TOP1MT: variants seen among roughly 807,000 people sequenced by gnomAD.
TOP1MT encodes the protein DNA topoisomerase I mitochondrial.
A neutral mutation model predicts 73.9 loss-of-function variants in TOP1MT; 80 were observed. The ratio of observed to expected loss-of-function variants is 1.08; its 90% CI spans 0.90 to 1.30. TOP1MT has a LOEUF of 1.30. Among genes scored for constraint, TOP1MT ranks in the 50% most tolerant of loss-of-function variants. TOP1MT has a pLI of 0.00. For missense variants in TOP1MT, 815 were observed against 808.0 expected (o/e 1.01, Z -0.10); for synonymous variants, 338 against 326.4 (o/e 1.04, Z -0.38).
At position 143,316,041 on chromosome 8, in the gene TOP1MT, G is replaced by C. The variant is rs781525933; in HGVS notation, c.1416C>G (p.Thr472=). Residue 472 remains threonine (T), a synonymous_variant, in exon 11 of 14, where the codon ACC becomes ACG. Coordinates refer to ENST00000329245, the MANE Select transcript of TOP1MT (RefSeq NM_052963.3). ...GCATCGACTTCTCGAACGTACTGGG[G>C]GTTGCTCGCTGATGGTTGCAGAGAA... The part of the protein sequence containing the change: ...VAILCNHQRA[T]PSTFEKSMQN... The C allele has an allele frequency of 1.4e-5, 22 of 1,614,044 alleles. No homozygotes were observed. In the African/African-American group the frequency reaches 2.4e-4, roughly 18 times the overall value.
rs1272765173 is a variant in TOP1MT at position 143,331,204 on chromosome 8, G to A, written c.238+20C>T. The A allele has an allele frequency of 6.4e-7, 1 of 1,574,688 alleles. No homozygotes were observed. The highest frequency in any genetic ancestry group is 1.7e-5 in the Admixed American group (1 of 58,358). On this transcript the variant is annotated intron_variant, in intron 2 of 13. Transcript: ENST00000329245. ...GGAACCAAGCGCAGGCTGGGGAGGA[G>A]CCGCTCCCTGCATCCTTACCTTCAT... is the stretch of plus-strand genomic sequence containing the variant.
chr8:143,328,083 T>C, intron 3 of TOP1MT: 1 of 368,390 alleles, frequency 2.7e-6, no homozygotes. Flanking sequence ...ACTCCTGACC[T>C]TCCAAAGACA....
chr8:143,309,705 G>T (rs1296155527), intron 13 of TOP1MT, 162 bp from the exon 14 acceptor site: 2 of 1,516,154 alleles, frequency 1.3e-6, no homozygotes, highest in Non-Finnish European at 8.8e-7. Flanking sequence ...CCCCACGCAT[G>T]CCGCCACCCT....
chr8:143,356,967 G>A (rs550139153), upstream of TOP1MT, among the ~76,000 whole-genome samples: 60 of 149,884 alleles, frequency 4.0e-4, no homozygotes, highest in South Asian at 0.011. Flanking sequence ...GGTGGCGGGC[G>A]CCTTTAGTCC....
At chr8:143,349,640 C>CTTTTTTTTTT (rs112290042), upstream of TOP1MT, among the ~76,000 whole-genome samples, 1 of 145,954 alleles carries the variant, frequency 6.9e-6, no homozygotes, top group Non-Finnish European at 1.5e-5. Flanking sequence ...CATCTGTACA[C>CTTTTTTTTTT]TTTTTTTTTT....
At chr8:143,317,899 G>A in intron 9 of TOP1MT, 62 bp from the exon 10 acceptor site, 3 of 1,596,572 alleles carry the variant, frequency 1.9e-6, no homozygotes, top group Non-Finnish European at 2.6e-6. Flanking sequence ...GCCTCCCGCG[G>A]GAAGGAAAGG....
chr8:143,330,941 G>A (rs567936927), intron 2 of TOP1MT, among the ~76,000 whole-genome samples: 1 of 140,016 alleles, frequency 7.1e-6, no homozygotes, highest in South Asian at 2.6e-4. Context: ...TGGTGCGGGG[G>A]GAGGGAGGGG....
At chr8:143,322,811 C>A (rs1307085033) in intron 7 of TOP1MT, among the ~76,000 whole-genome samples, 1 of 64,318 alleles carries the variant, frequency 1.6e-5, no homozygotes, top group African/African-American at 5.6e-5. Context: ...CACATGCATG[C>A]CACACACAGG....
At chr8:143,327,986 C>T (rs1481930025) in intron 3 of TOP1MT, among the ~76,000 whole-genome samples, 4 of 152,208 alleles carry the variant, frequency 2.6e-5, no homozygotes, top group East Asian at 1.9e-4. Context: ...AATCTCTGTG[C>T]TGCCGAATTC....
rs761407142 is a variant in TOP1MT at position 143,331,336 on chromosome 8, C to G, written c.126G>C (p.Trp42Cys). 6.2e-7 allele frequency: 1 copy of G among 1,611,036 alleles called. No individual in the cohort carries two copies. Among genetic ancestry groups the G allele is most frequent in the South Asian group, 1.1e-5 (1 of 90,842 alleles). ...CCCCGTCTTCGTGCTTCTCCTTCTC[C>G]CACCTAAAGACGGAGACAGGACGTG... is the stretch of plus-strand genomic sequence containing the variant. ...RRTQKGSGARWEKEKHEDGVK... is the reference protein window; with the variant it reads ...RRTQKGSGARCEKEKHEDGVK... Residue 42 changes from tryptophan (W) to cysteine (C), a missense_variant, in exon 2 of 14, where the codon TGG (tryptophan) becomes TGC (cysteine). Physicochemically the swap from Trp to Cys is radical, Grantham distance 215 (BLOSUM62 -2). Coordinates refer to ENST00000329245, the MANE Select transcript of TOP1MT (RefSeq NM_052963.3).
chr8:143,347,980 T>G (rs1586784516), upstream of TOP1MT, among the ~76,000 whole-genome samples: 1 of 152,034 alleles, frequency 6.6e-6, no homozygotes, highest in African/African-American at 2.4e-5. Flanking sequence ...CCATGGAGGG[T>G]GCCCAGGAGA....
intron 12 of TOP1MT, among the ~76,000 whole-genome samples, chr8:143,310,663 G>A (rs989941576): frequency 1.3e-5 from 2 of 152,200 alleles, no homozygotes; most frequent in Non-Finnish European, 2.9e-5. Context: ...TCCAATGCCA[G>A]AACATCACCC....
chr8:143,340,711 A>G (rs2130398604), intron 2 of TOP1MT, among the ~76,000 whole-genome samples: 1 of 152,078 alleles, frequency 6.6e-6, no homozygotes, highest in Non-Finnish European at 1.5e-5. Context: ...CCAGGTCCTG[A>G]GCTTTTCATT....
intron 5 of TOP1MT, among the ~76,000 whole-genome samples, chr8:143,324,880 G>A (rs76152489): frequency 1.2e-4 from 18 of 152,306 alleles, no homozygotes; most frequent in African/African-American, 4.3e-4. Flanking sequence ...GCACCGCTCT[G>A]CACAGACCTC....
At chr8:143,325,608 C>T (rs1816686513) in intron 4 of TOP1MT, 75 bp from the exon 5 acceptor site, 2 of 1,384,450 alleles carry the variant, frequency 1.4e-6, no homozygotes, top group Non-Finnish European at 2.0e-6. Context: ...GTTGCTAACC[C>T]GGGACCACCC....
intron 12 of TOP1MT, chr8:143,310,532 G>C: frequency 3.9e-6 from 1 of 253,678 alleles, no homozygotes; most frequent in Non-Finnish European, 7.5e-6. Flanking sequence ...AGCGAGACCA[G>C]GCCCGAGAAA....
intron 2 of TOP1MT, among the ~76,000 whole-genome samples, chr8:143,342,403 TTATTA>T (rs1442792954): frequency 7.1e-6 from 1 of 141,478 alleles, no homozygotes; most frequent in Non-Finnish European, 1.5e-5. Flanking sequence ...GTTATTATTA[TTATTA>T]TTAGAGACAG....
chr8:143,334,727 T>G lies in TOP1MT; in HGVS notation c.122+13A>C. On this transcript the variant is annotated intron_variant, in intron 1 of 13. Transcript: ENST00000329245. The stretch of plus-strand genomic sequence containing the variant: ...CTCAGGGCCCTCGCCGCCTGCTCAC[T>G]GGGACACCTTACCTGGCTCCACTGC... The G allele has an allele frequency of 6.2e-7, 1 of 1,600,128 alleles. No homozygotes were observed.
intron 2 of TOP1MT, chr8:143,343,056 T>C (rs952384861): frequency 4.9e-6 from 2 of 406,994 alleles, no homozygotes; most frequent in South Asian, 3.6e-5. Flanking sequence ...CCACCACGCC[T>C]GGCCTGCTAA....
Sources: allele counts gnomAD v4.1 joint callset (sites outside exome capture counted in the v4.1 genomes callset), GRCh38; gene constraint gnomAD v4.1.1; transcripts MANE v1.5; gene names NCBI Gene and HGNC (gene_info 2026-07-23, HGNC 2026-07-21).